Variants in CAST observed in about 807,000 individuals in gnomAD.
CAST encodes calpastatin, also known as MIR583 host.
In CAST, 76 loss-of-function variants were observed where a neutral mutation model predicts 119.6. The observed-to-expected ratio is 0.64, with a 90% confidence interval of 0.53 to 0.77. CAST has a LOEUF of 0.77. Ranked by LOEUF, CAST falls within the 30% of genes least tolerant of loss-of-function variation. The pLI, the probability that CAST is intolerant of heterozygous loss-of-function variation, is 0.00. For missense variants in CAST, 953 were observed against 946.5 expected (o/e 1.01, Z -0.09); for synonymous variants, 319 against 331.6 (o/e 0.96, Z 0.41).
At chr5:96,440,782 T>C in the CAST span, among the ~76,000 whole-genome samples, 29 of 152,360 alleles carry the variant, frequency 1.9e-4, no homozygotes, top group African/African-American at 5.0e-4. Context: ...TGATCCAGCA[T>C]CTACTTTCCT....
At chr5:96,668,354 A>C (rs978463192) in intron 1 of CAST, among the ~76,000 whole-genome samples, 2 of 152,180 alleles carry the variant, frequency 1.3e-5, no homozygotes, top group African/African-American at 4.8e-5. Context: ...AGTACTAAAC[A>C]AAAACTTAAT....
chr5:96,356,401 CTT>C, the CAST span, among the ~76,000 whole-genome samples: 2 of 152,138 alleles, frequency 1.3e-5, no homozygotes, highest in Non-Finnish European at 2.9e-5. Context: ...GTCATGAAGT[CTT>C]TGCCCATGCC....
At chr5:96,128,941 T>C in the CAST span, among the ~76,000 whole-genome samples, 6 of 152,118 alleles carry the variant, frequency 3.9e-5, no homozygotes, top group African/African-American at 1.4e-4. Flanking sequence ...GGGCCAGTGA[T>C]TGAGCTTCAG....
upstream of CAST, among the ~76,000 whole-genome samples, chr5:96,528,929 G>A (rs1745641627): frequency 6.6e-6 from 1 of 152,220 alleles, no homozygotes; most frequent in South Asian, 2.1e-4. Flanking sequence ...CCGAAGAAGT[G>A]AGTGTTGGGA....
the CAST span, among the ~76,000 whole-genome samples, chr5:96,464,107 G>C: frequency 1.3e-5 from 2 of 151,902 alleles, no homozygotes; most frequent in Admixed American, 6.6e-5. Flanking sequence ...TAGGTCTAAA[G>C]GTTTTGTTTT....
the CAST span, among the ~76,000 whole-genome samples, chr5:96,483,491 A>G: frequency 6.6e-6 from 1 of 152,202 alleles, no homozygotes; most frequent in East Asian, 1.9e-4. Flanking sequence ...TTCAAAAAAC[A>G]CTAAATTAAT....
chr5:96,191,640 G>A, the CAST span, among the ~76,000 whole-genome samples: 4 of 152,188 alleles, frequency 2.6e-5, no homozygotes, highest in African/African-American at 9.7e-5. Flanking sequence ...CTGTCACCAG[G>A]CTCACTGCAA....
At chr5:96,364,439 A>G in the CAST span, among the ~76,000 whole-genome samples, 1 of 152,210 alleles carries the variant, frequency 6.6e-6, no homozygotes, top group Non-Finnish European at 1.5e-5. Flanking sequence ...TTCGGCTGTG[A>G]ATCCGTCTGG....
chr5:96,548,307 A>G (rs779460070), intron 1 of CAST, among the ~76,000 whole-genome samples: 7 of 152,216 alleles, frequency 4.6e-5, no homozygotes, highest in Non-Finnish European at 8.8e-5. Flanking sequence ...AACTGAGTGG[A>G]GGCTATGATT....
chr5:96,090,383 C>T, the CAST span, among the ~76,000 whole-genome samples: 1 of 152,128 alleles, frequency 6.6e-6, no homozygotes. Flanking sequence ...AGTCTCTGAG[C>T]TGGTGTTAGA....
chr5:96,623,193 C>T (rs895210693), intron 1 of CAST, among the ~76,000 whole-genome samples: 4 of 152,084 alleles, frequency 2.6e-5, no homozygotes, highest in East Asian at 1.9e-4. Flanking sequence ...ACCTGATACC[C>T]TTTTCTGTCC....
chr5:96,351,170 T>C, the CAST span, among the ~76,000 whole-genome samples: 1 of 152,186 alleles, frequency 6.6e-6, no homozygotes, highest in Non-Finnish European at 1.5e-5. Context: ...CTAGGGATTT[T>C]GATATAAAAA....
rs572300530 is a variant in CAST, at chr5:96,568,687, C to A, written c.60+38807C>A. Among the ~76,000 whole-genome samples the A allele has an allele frequency of 1.8e-4, 27 of 148,058 alleles. No individual in the cohort carries two copies. In the South Asian group the frequency reaches 5.9e-3, roughly 32 times the overall value. The stretch of plus-strand genomic sequence containing the variant: ...CTGATTACTAAGAAATAAAGGTGCT[C>A]CTTCTTTGTGTGCATATTTTTTTGT... On this transcript the variant is annotated intron_variant, in intron 1 of 11. Transcript: ENST00000505143.
At chr5:96,747,139 C>T (rs919118368) in intron 17 of CAST, among the ~76,000 whole-genome samples, 6 of 152,086 alleles carry the variant, frequency 3.9e-5, no homozygotes, top group African/African-American at 1.4e-4. Context: ...AGTAAATGTG[C>T]ATTCTGCTTG....
Position 96,754,104 on chromosome 5 carries a change from C to G in CAST, c.1569C>G (p.Ser523Arg). ...PDDAVEALAD[S>R]LGKKEADPED... ...ATGCTGTAGAAGCCTTGGCTGATAG[C>G]CTGGGGAAAAAGGAAGCAGATCCAG... The change falls in exon 21 of 32, where the codon AGC (serine) becomes AGG (arginine). Residue 523 changes from serine to arginine, a missense_variant. Ser to Arg is a moderately radical substitution (Grantham distance 110). Transcript: ENST00000675179. The G allele has an allele frequency of 6.2e-7, 1 of 1,613,790 alleles. No homozygotes were observed. The highest frequency in any genetic ancestry group is 8.5e-7 in the Non-Finnish European group (1 of 1,179,768).
the CAST span, among the ~76,000 whole-genome samples, chr5:96,264,719 A>G: frequency 2.0e-5 from 3 of 152,250 alleles, no homozygotes; most frequent in Non-Finnish European, 2.9e-5. Flanking sequence ...CCTTCGTGAC[A>G]TAAATAGCAT....
At chr5:96,014,576 T>G in the CAST span, among the ~76,000 whole-genome samples, 3 of 152,128 alleles carry the variant, frequency 2.0e-5, no homozygotes, top group African/African-American at 7.2e-5. Flanking sequence ...ACATGAGTAA[T>G]GCATTGTGCT....
the CAST span, among the ~76,000 whole-genome samples, chr5:96,052,017 G>A: frequency 6.6e-6 from 1 of 152,164 alleles, no homozygotes; most frequent in Non-Finnish European, 1.5e-5. Context: ...TTACTCATGA[G>A]GGGGCGAGGG....
chr5:96,482,368 T>C, the CAST span, among the ~76,000 whole-genome samples: 1 of 151,156 alleles, frequency 6.6e-6, no homozygotes, highest in South Asian at 2.1e-4. Context: ...CACCTAATTA[T>C]GTGAAGCAAT....
Sources: gnomAD v4.1 joint callset for allele counts (sites outside exome capture counted in the v4.1 genomes callset) on GRCh38, gnomAD v4.1.1 for gene constraint, MANE v1.5 for transcripts, NCBI Gene and HGNC (gene_info 2026-07-23, HGNC 2026-07-21) for gene names.